The following PPP4R1 variants were observed in gnomAD, a reference collection of about 807,000 sequenced individuals.
The protein encoded by PPP4R1 is protein phosphatase 4 regulatory subunit 1.
A neutral mutation model predicts 111.2 loss-of-function variants in PPP4R1; 42 were observed. The ratio of observed to expected loss-of-function variants is 0.38; its 90% CI spans 0.29 to 0.49. The LOEUF is 0.49. PPP4R1 is among the 20% of genes least tolerant of loss of function. The pLI, the probability that PPP4R1 is intolerant of heterozygous loss-of-function variation, is 0.97. For missense variants in PPP4R1, 1,012 were observed against 1,161.6 expected (o/e 0.87, Z 1.87); for synonymous variants, 409 against 405.5 (o/e 1.01, Z -0.10).
chr18:9,614,717 C>G (rs2067663026), upstream of PPP4R1: 1 of 145,302 alleles, frequency 6.9e-6, no homozygotes, highest in Admixed American at 6.8e-5. This position sits in a 1 kb window ranked among gnomAD's most constrained non-coding sequence, Gnocchi z 4.1. Context: ...CCCCTCCGCG[C>G]GGCTCCCGGG....
intron 6 of PPP4R1, among the ~76,000 whole-genome samples, chr18:9,586,488 G>A (rs1271272925): frequency 6.6e-6 from 1 of 152,074 alleles, no homozygotes. Context: ...CATATTAAAT[G>A]CCACTAACAC....
intron 2 of PPP4R1, among the ~76,000 whole-genome samples, chr18:9,610,044 A>C (rs889251454): frequency 4.6e-5 from 7 of 152,266 alleles, no homozygotes; most frequent in African/African-American, 1.7e-4. Flanking sequence ...CATTCTTTAA[A>C]AATAACATTC....
chr18:9,616,601 G>T (rs2067691159), upstream of PPP4R1, among the ~76,000 whole-genome samples: 1 of 152,252 alleles, frequency 6.6e-6, no homozygotes, highest in Non-Finnish European at 1.5e-5. Flanking sequence ...CTAACTGGTG[G>T]TCTCACCGCA....
intron 2 of PPP4R1, among the ~76,000 whole-genome samples, chr18:9,607,151 G>C (rs990396843): frequency 3.3e-5 from 5 of 152,080 alleles, no homozygotes; most frequent in Admixed American, 6.5e-5. Flanking sequence ...TTGAGCTCAG[G>C]AGCTCAAGGC....
chr18:9,563,468 A>T lies in PPP4R1; in HGVS notation c.1656T>A (p.Ser552Arg). The T allele has an allele frequency of 1.2e-6, 2 of 1,607,912 alleles. No individual in the cohort carries two copies. Among genetic ancestry groups the T allele is most frequent in the Non-Finnish European group, 1.7e-6 (2 of 1,174,784 alleles). ...TTATATCCAGTTCATCTTGCAAATC[A>T]CTTCTCTTTTCTATACTGATGGTCT... ...HEETISIEKR[S>R]DLQDELDINE... is the part of the protein sequence containing the mutation. The change falls in exon 12 of 20, where the codon AGT (serine) becomes AGA (arginine). Residue 552 changes from serine to arginine, a missense_variant. By Grantham distance (110) the Ser-to-Arg change is moderately radical. This residue lies in a region of PPP4R1 where 707 missense variants were observed against 742.1 expected (regional missense o/e 0.95). Transcript: ENST00000400556.
chr18:9,585,692 T>C (rs995799631), intron 6 of PPP4R1, among the ~76,000 whole-genome samples: 2 of 152,208 alleles, frequency 1.3e-5, no homozygotes, highest in African/African-American at 4.8e-5. Context: ...AGGAAGGTTG[T>C]AGGCTATAAA....
intron 10 of PPP4R1, among the ~76,000 whole-genome samples, chr18:9,572,477 TA>T (rs1401202797): frequency 5.4e-4 from 82 of 152,188 alleles, no homozygotes; most frequent in Admixed American, 5.2e-4. Flanking sequence ...CAAAACAGAT[TA>T]AACAGTGAAG....
At chr18:9,583,011 AT>A (rs2145187736) in intron 9 of PPP4R1, 105 bp downstream of exon 9, 15 of 1,060,024 alleles carry the variant, frequency 1.4e-5, no homozygotes, top group Non-Finnish European at 1.9e-5. Context: ...AGTATAAAAA[AT>A]AATATATCTT....
At chr18:9,553,798 G>A (rs1307191188) in intron 15 of PPP4R1, among the ~76,000 whole-genome samples, 1 of 152,264 alleles carries the variant, frequency 6.6e-6, no homozygotes, top group Non-Finnish European at 1.5e-5. Flanking sequence ...CCCTGCGTGT[G>A]ACGCTGTGAC....
intron 9 of PPP4R1, among the ~76,000 whole-genome samples, chr18:9,580,051 C>G (rs1470785607): frequency 6.6e-6 from 1 of 152,064 alleles, no homozygotes; most frequent in Non-Finnish European, 1.5e-5. Flanking sequence ...CTATGTTAAT[C>G]TTTTCTAACA....
intron 13 of PPP4R1, 65 bp downstream of exon 13, chr18:9,561,915 G>C: frequency 7.4e-7 from 1 of 1,352,248 alleles, no homozygotes; most frequent in Non-Finnish European, 1.1e-6. Flanking sequence ...AATTAGGTCA[G>C]AAATGGGCTC....
intron 9 of PPP4R1, among the ~76,000 whole-genome samples, chr18:9,581,307 G>A (rs2067025276): frequency 6.6e-6 from 1 of 152,164 alleles, no homozygotes; most frequent in South Asian, 2.1e-4. Flanking sequence ...CAAAGGAAAT[G>A]ATGATTACAG....
Position 9,583,121 on chromosome 18 carries a change from C to T in PPP4R1, c.914G>A (p.Arg305His), listed in dbSNP as rs760028899. The T allele has an allele frequency of 5.0e-6, 8 of 1,605,872 alleles. No homozygotes were observed. The highest frequency in any genetic ancestry group is 6.8e-6 in the Non-Finnish European group (8 of 1,174,550). The change falls in exon 9 of 20, where the codon CGT becomes CAT. Residue 305 changes from arginine to histidine, a missense_variant. Physicochemically the swap from Arg to His is conservative, Grantham distance 29. Around this residue, in one of 2 missense-constraint regions of PPP4R1, gnomAD observed 707 missense variants for 742.1 expected, o/e 0.95. Coordinates refer to ENST00000400556, the MANE Select transcript of PPP4R1 (RefSeq NM_001042388.3). ...LFINLISDPSRWVRQAAFQSL... is the reference protein window; with the variant it reads ...LFINLISDPSHWVRQAAFQSL... ...AAGTGATAATCAAAACCCTACCCAA[C>T]GTGAAGGATCACTGATCAAATTAAT...
chr18:9,570,481 C>G lies in PPP4R1; in HGVS notation c.1249G>C (p.Glu417Gln). ...TTATCATTCTCATTACTAGCTGCTT[C>G]CTGGTGAGATTCTGAGGACAAAGTA... ...LCTLSSESHQ[E>Q]AASNENDKKP... Residue 417 changes from glutamate to glutamine, a missense_variant, in exon 11 of 20, where the codon GAA (glutamate) becomes CAA (glutamine). By Grantham distance (29) the Glu-to-Gln change is conservative. Transcript: ENST00000400556. The G allele has an allele frequency of 5.6e-6, 9 of 1,614,160 alleles. No individual in the cohort carries two copies. Among genetic ancestry groups the G allele is most frequent in the Non-Finnish European group, 7.6e-6 (9 of 1,180,000 alleles).
chr18:9,583,457 C>G (rs2067064675), intron 8 of PPP4R1, among the ~76,000 whole-genome samples, 182 bp from the exon 9 acceptor site: 1 of 152,204 alleles, frequency 6.6e-6, no homozygotes, highest in African/African-American at 2.4e-5. Context: ...AACTCCACCT[C>G]CTGGGTTCCA....
At chr18:9,574,299 T>TC (rs1474208468) in intron 10 of PPP4R1, among the ~76,000 whole-genome samples, 18 of 152,168 alleles carry the variant, frequency 1.2e-4, no homozygotes, top group Non-Finnish European at 2.4e-4. Flanking sequence ...AGTTCCTTAG[T>TC]AGAGACTATG....
At chr18:9,616,729 T>C (rs1322924480), upstream of PPP4R1, among the ~76,000 whole-genome samples, 1 of 152,220 alleles carries the variant, frequency 6.6e-6, no homozygotes, top group African/African-American at 2.4e-5. Flanking sequence ...CATGATAAAA[T>C]AGGGACTATG....
At chr18:9,600,244 A>G (rs1181727483) in intron 2 of PPP4R1, among the ~76,000 whole-genome samples, 1 of 151,776 alleles carries the variant, frequency 6.6e-6, no homozygotes, top group Non-Finnish European at 1.5e-5. Flanking sequence ...GTAATCTCTG[A>G]AACACACTAG....
At chr18:9,590,615 T>C (rs1442702212) in intron 4 of PPP4R1, among the ~76,000 whole-genome samples, 2 of 152,008 alleles carry the variant, frequency 1.3e-5, no homozygotes, top group African/African-American at 4.8e-5. Flanking sequence ...CGCATGCATG[T>C]ACAGACAACC....
Sources: gnomAD v4.1 joint callset for allele counts (sites outside exome capture counted in the v4.1 genomes callset) on GRCh38, gnomAD v4.1.1 for gene constraint, gnomAD v4.1.1 regional missense constraint, Gnocchi (gnomAD v3.1) non-coding constraint, MANE v1.5 for transcripts, NCBI Gene and HGNC (gene_info 2026-07-23, HGNC 2026-07-21) for gene names.